Variants in ZCWPW2 observed in about 807,000 individuals in gnomAD.
The protein encoded by ZCWPW2 is zinc finger CW-type and PWWP domain containing 2, also known as zinc finger CW-type PWWP domain protein 2.
In ZCWPW2, 45 loss-of-function variants were observed where a neutral mutation model predicts 46.6. That is an observed-to-expected ratio of 0.96 (90% CI 0.76 to 1.24). The LOEUF (loss-of-function observed/expected upper bound fraction) is 1.24, where lower values mean the gene tolerates loss of function less well. ZCWPW2 is among the 50% of genes most tolerant of loss of function. ZCWPW2 has a pLI of 0.00. For synonymous variants in ZCWPW2, 152 were observed against 137.1 expected (o/e 1.11, Z -0.76); for missense variants, 429 against 403.9 (o/e 1.06, Z -0.53).
At chr3:28,473,407 A>C (rs1315829230) in intron 4 of ZCWPW2, among the ~76,000 whole-genome samples, 2 of 152,084 alleles carry the variant, frequency 1.3e-5, no homozygotes, top group African/African-American at 4.8e-5. Context: ...CCCGGGAGGC[A>C]GAGGCTGCAC....
At chr3:28,501,648 C>G (rs1700146842) in intron 6 of ZCWPW2, among the ~76,000 whole-genome samples, 2 of 152,110 alleles carry the variant, frequency 1.3e-5, no homozygotes, top group Non-Finnish European at 2.9e-5. Context: ...CTATCATCCC[C>G]AATCAAAATA....
chr3:28,405,495 G>C (rs952106352), intron 2 of ZCWPW2, among the ~76,000 whole-genome samples: 2 of 152,116 alleles, frequency 1.3e-5, no homozygotes, highest in Admixed American at 6.6e-5. Context: ...GTTTTTTTGA[G>C]ACAGAGTTTC....
chr3:28,455,848 T>C (rs144428460), intron 4 of ZCWPW2, among the ~76,000 whole-genome samples: 292 of 152,338 alleles, frequency 1.9e-3, no homozygotes, highest in African/African-American at 6.6e-3. Context: ...TCTATGTGTC[T>C]GTTCTGGTAC....
intron 3 of ZCWPW2, among the ~76,000 whole-genome samples, chr3:28,434,072 T>G (rs1559502661): frequency 6.6e-6 from 1 of 152,184 alleles, no homozygotes; most frequent in Non-Finnish European, 1.5e-5. Flanking sequence ...TCTAATTTTC[T>G]TAGTGCTAAA....
intron 1 of ZCWPW2, among the ~76,000 whole-genome samples, chr3:28,363,404 G>C (rs1222510937): frequency 5.3e-5 from 8 of 152,166 alleles, no homozygotes; most frequent in Non-Finnish European, 8.8e-5. Flanking sequence ...ATAGCACTGG[G>C]CTTATTCTCA....
intron 3 of ZCWPW2, among the ~76,000 whole-genome samples, chr3:28,434,145 A>G (rs929949916): frequency 6.6e-6 from 1 of 152,206 alleles, no homozygotes; most frequent in African/African-American, 2.4e-5. Flanking sequence ...ATAAATTTTC[A>G]GTTTATTTCA....
Position 28,489,799 on chromosome 3 carries a change from T to C in ZCWPW2, c.611-2328T>C, listed in dbSNP as rs1270571413. ...GGAGTTTTAATTAAGTAGATTATATTATTTAAATCTCACAATATTCTAGTG... is the reference window on the plus strand; with the variant it reads ...GGAGTTTTAATTAAGTAGATTATATCATTTAAATCTCACAATATTCTAGTG... On this transcript the variant is annotated intron_variant, in intron 5 of 9. Transcript: ENST00000383768. Among the ~76,000 whole-genome samples, 5 of 152,090 alleles carry C rather than the reference T, an allele frequency of 3.3e-5. No homozygotes were observed. The East Asian group carries it at 7.7e-4, about 23-fold the overall frequency.
At chr3:28,498,879 T>C (rs892086528) in intron 6 of ZCWPW2, among the ~76,000 whole-genome samples, 2 of 152,240 alleles carry the variant, frequency 1.3e-5, no homozygotes, top group Admixed American at 1.3e-4. Flanking sequence ...CTCCCATTTA[T>C]GAGTGAGAAC....
intron 8 of ZCWPW2, among the ~76,000 whole-genome samples, chr3:28,518,135 C>CAAAA (rs35463839): frequency 6.6e-5 from 5 of 75,946 alleles, no homozygotes; most frequent in African/African-American, 2.6e-4. Context: ...GACTCCGTCT[C>CAAAA]AAAAAAAAAA....
intron 4 of ZCWPW2, among the ~76,000 whole-genome samples, chr3:28,470,400 G>T (rs894568923): frequency 6.6e-6 from 1 of 151,456 alleles, no homozygotes; most frequent in African/African-American, 2.4e-5. Context: ...GGGAGGCTAA[G>T]GCAGAATTGC....
At chr3:28,404,670 A>T (rs545408772) in intron 2 of ZCWPW2, among the ~76,000 whole-genome samples, 9 of 152,062 alleles carry the variant, frequency 5.9e-5, no homozygotes, top group Non-Finnish European at 1.3e-4. Flanking sequence ...AGAAACAGTG[A>T]TATATATATA....
intron 3 of ZCWPW2, among the ~76,000 whole-genome samples, chr3:28,422,325 A>G (rs1404516272): frequency 3.9e-5 from 6 of 152,140 alleles, no homozygotes; most frequent in African/African-American, 1.2e-4. Flanking sequence ...CCATTATAGT[A>G]TATACAGAAT....
chr3:28,367,780 A>T (rs1705176890), intron 1 of ZCWPW2, among the ~76,000 whole-genome samples: 2 of 152,128 alleles, frequency 1.3e-5, no homozygotes, highest in Admixed American at 1.3e-4. Flanking sequence ...GTGGGAGTCT[A>T]AGTCTCTTTG....
At chr3:28,507,075 T>C (rs1700296756) in intron 6 of ZCWPW2, among the ~76,000 whole-genome samples, 1 of 152,126 alleles carries the variant, frequency 6.6e-6, no homozygotes, top group Non-Finnish European at 1.5e-5. Flanking sequence ...AAAAATGACA[T>C]AGCCAGTAAG....
chr3:28,520,249 C>T (rs1700687977), intron 8 of ZCWPW2, among the ~76,000 whole-genome samples: 1 of 151,940 alleles, frequency 6.6e-6, no homozygotes, highest in South Asian at 2.1e-4. Context: ...TCGTGATCCA[C>T]CCTCAGCCTC....
intron 4 of ZCWPW2, among the ~76,000 whole-genome samples, chr3:28,462,794 A>G (rs1233883713): frequency 1.4e-5 from 2 of 144,064 alleles, no homozygotes; most frequent in Non-Finnish European, 1.6e-5. Context: ...ACCCTTATGT[A>G]TTTTTTTCCT....
At chr3:28,448,784 C>CAAAA (rs576935771) in intron 4 of ZCWPW2, among the ~76,000 whole-genome samples, 14 of 65,360 alleles carry the variant, frequency 2.1e-4, no homozygotes, top group East Asian at 4.8e-4. Flanking sequence ...GACTCTGTCT[C>CAAAA]AAAAAAAAAA....
Position 28,524,753 on chromosome 3 carries a change from A to G in ZCWPW2, c.*65A>G. 7.8e-7 allele frequency: 1 copy of G among 1,277,320 alleles called. No individual in the cohort carries two copies. The highest frequency in any genetic ancestry group is 1.0e-6 in the Non-Finnish European group (1 of 971,250). 79.1% of individuals were successfully genotyped at this position (1,277,320 alleles called of 1,614,324 possible). On this transcript the variant is annotated 3_prime_UTR_variant, in exon 10 of 10. Coordinates refer to ENST00000383768, the MANE Select transcript of ZCWPW2 (RefSeq NM_001040432.4). ...CATCTTTATATTTATCCAAAGTTAAAACTTTAAAAATGTTTAGTGAAATAG... is the reference window on the plus strand; with the variant it reads ...CATCTTTATATTTATCCAAAGTTAAGACTTTAAAAATGTTTAGTGAAATAG...
chr3:28,462,199 G>C (rs1430288744), intron 4 of ZCWPW2, among the ~76,000 whole-genome samples: 1 of 152,152 alleles, frequency 6.6e-6, no homozygotes, highest in Non-Finnish European at 1.5e-5. Context: ...AGAGAAGATA[G>C]TCTCTCACAC....
Sources: allele counts gnomAD v4.1 joint callset (sites outside exome capture counted in the v4.1 genomes callset), GRCh38; gene constraint gnomAD v4.1.1; transcripts MANE v1.5; gene names NCBI Gene and HGNC (gene_info 2026-07-23, HGNC 2026-07-21).